FIG4: variants seen among roughly 807,000 people sequenced by gnomAD.
The protein encoded by FIG4 is polyphosphoinositide phosphatase.
In FIG4, 112 loss-of-function variants were observed where a neutral mutation model predicts 118.6. That is an observed-to-expected ratio of 0.94 (90% CI 0.81 to 1.11). The LOEUF is 1.11. Ranked by LOEUF, FIG4 falls within the 50% of genes least tolerant of loss-of-function variation. The probability of loss-of-function intolerance (pLI) is 0.00; values close to 1 mark genes in which losing one functional copy is unlikely to be tolerated. For missense variants in FIG4, 969 were observed against 1,111.7 expected (o/e 0.87, Z 1.83); for synonymous variants, 369 against 381.2 (o/e 0.97, Z 0.37).
chr6:109,764,374 G>A (rs1386429805), intron 13 of FIG4, among the ~76,000 whole-genome samples: 1 of 151,676 alleles, frequency 6.6e-6, no homozygotes, highest in Non-Finnish European at 1.5e-5. Flanking sequence ...GGAGGCGGAG[G>A]TTGCAGTGAG....
chr6:109,721,881 A>G (rs1198330527), intron 3 of FIG4, among the ~76,000 whole-genome samples: 2 of 152,254 alleles, frequency 1.3e-5, no homozygotes, highest in African/African-American at 4.8e-5. Flanking sequence ...AGGGAAGTGT[A>G]GAATGATATA....
At chr6:109,811,946 A>T (rs1469127168) in intron 22 of FIG4, among the ~76,000 whole-genome samples, 3 of 152,164 alleles carry the variant, frequency 2.0e-5, no homozygotes, top group Non-Finnish European at 4.4e-5. Flanking sequence ...TGATATGGTT[A>T]GGCTTTGTGT....
intron 3 of FIG4, among the ~76,000 whole-genome samples, chr6:109,722,049 T>C (rs897166190): frequency 1.2e-4 from 18 of 152,186 alleles, no homozygotes; most frequent in Non-Finnish European, 1.0e-4. Flanking sequence ...CCCAATTACA[T>C]TCCATTTTTA....
chr6:109,815,803 C>CAA lies in FIG4; in HGVS notation c.2547-9277_2547-9276dup, dbSNP rs141936290. On this transcript the variant is annotated intron_variant, in intron 22 of 22. Transcript: ENST00000230124. ...AAATGCAAATTCTAAAGCAAGCAAACAAAAAAAAACAATAAAAACAGGGAG... is the reference window on the plus strand; with the variant it reads ...AAATGCAAATTCTAAAGCAAGCAAACAAAAAAAAAAACAATAAAAACAGGGAG... Among the ~76,000 whole-genome samples the CAA allele has an allele frequency of 2.2e-3, 323 of 147,550 alleles. 9 individuals are homozygous for CAA. The East Asian group carries it at 0.05, about 23-fold the overall frequency.
chr6:109,791,669 C>A, intron 20 of FIG4, 98 bp downstream of exon 20: 1 of 965,124 alleles, frequency 1.0e-6, no homozygotes. Flanking sequence ...AAGAAAATGT[C>A]ACATTATCTC....
At position 109,691,383 on chromosome 6, in the gene FIG4, T is replaced by TG. The variant is rs962506527; in HGVS notation, c.-49dup. 14 of 1,481,476 alleles carry TG rather than the reference T, an allele frequency of 9.5e-6. No individual in the cohort carries two copies. The highest frequency in any genetic ancestry group is 1.4e-5 in the African/African-American group (1 of 71,864). The allele number at this position is 1,481,476 out of a possible 1,614,324, so 91.8% of individuals were successfully genotyped here. On this transcript the variant is annotated 5_prime_UTR_variant, in exon 1 of 23. Transcript: ENST00000230124. ...TGAGGGGTTTTCTCGCCGAGTCTCC[T>TG]GGGGCGGTCCGGAGGCTCGTGCCCT...
At chr6:109,801,200 A>G (rs879847197) in intron 22 of FIG4, among the ~76,000 whole-genome samples, 5 of 152,188 alleles carry the variant, frequency 3.3e-5, no homozygotes, top group Admixed American at 2.0e-4. Flanking sequence ...TATAAATACC[A>G]TGTATTTTAG....
intron 21 of FIG4, 149 bp downstream of exon 21, chr6:109,792,813 C>T (rs1426362208): frequency 1.8e-6 from 1 of 565,992 alleles, no homozygotes; most frequent in South Asian, 2.1e-5. Context: ...GATCTCGGCT[C>T]CTGAGTAGCT....
At chr6:109,758,470 AAC>A (rs1348853009) in intron 10 of FIG4, among the ~76,000 whole-genome samples, 1 of 152,252 alleles carries the variant, frequency 6.6e-6, no homozygotes, top group African/African-American at 2.4e-5. Context: ...AGATGGATTA[AAC>A]ACTTAAATGT....
chr6:109,703,434 C>T (rs939560451), intron 1 of FIG4, among the ~76,000 whole-genome samples: 2 of 152,124 alleles, frequency 1.3e-5, no homozygotes, highest in African/African-American at 4.8e-5. Context: ...AATTGGATTG[C>T]TTCTTGACTT....
In FIG4 at chr6:109,777,050, A is replaced by G. The variant is rs762859144; in HGVS notation, c.1879A>G (p.Thr627Ala). The G allele has an allele frequency of 5.4e-5, 87 of 1,613,752 alleles. No homozygotes were observed. The South Asian group carries it at 6.8e-4, about 13-fold the overall frequency. Reference protein sequence around the residue: ...HHKNTMRLLPTRRSYTYWWTP... With the variant: ...HHKNTMRLLPARRSYTYWWTP... ...CAAAAATACCATGAGACTTTTGCCA[A>G]CAAGAAGAAGGTATTTTTCTTCCTA... The change falls in exon 16 of 23, where the codon ACA becomes GCA. Residue 627 changes from threonine to alanine, a missense_variant. Physicochemically the swap from Thr to Ala is moderately conservative, Grantham distance 58. Transcript: ENST00000230124.
At chr6:109,806,014 A>G (rs1466057909) in intron 22 of FIG4, among the ~76,000 whole-genome samples, 1 of 152,194 alleles carries the variant, frequency 6.6e-6, no homozygotes, top group Non-Finnish European at 1.5e-5. Context: ...GTAATTTTAG[A>G]TGTCTTTTTG....
chr6:109,773,767 A>G (rs1397461282), intron 15 of FIG4, among the ~76,000 whole-genome samples: 2 of 151,970 alleles, frequency 1.3e-5, no homozygotes, highest in Non-Finnish European at 2.9e-5. Context: ...GACTTCCCAG[A>G]CTCAAGTGAT....
At chr6:109,783,403 C>T (rs1026206836) in intron 16 of FIG4, among the ~76,000 whole-genome samples, 5 of 152,336 alleles carry the variant, frequency 3.3e-5, no homozygotes, top group Admixed American at 3.3e-4. Flanking sequence ...TACACCGGGA[C>T]ACTAGCCTCT....
At chr6:109,717,282 G>A (rs1196634678) in intron 3 of FIG4, among the ~76,000 whole-genome samples, 2 of 152,146 alleles carry the variant, frequency 1.3e-5, no homozygotes, top group Admixed American at 1.3e-4. Context: ...GTCCAAACGT[G>A]ATATTGATCT....
chr6:109,738,280 A>C (rs1776219964), intron 6 of FIG4, 45 bp from the exon 7 acceptor site: 1 of 1,518,142 alleles, frequency 6.6e-7, no homozygotes. Flanking sequence ...ATTGATACAA[A>C]ATATTTTGTG....
chr6:109,765,212 C>G, intron 14 of FIG4, 51 bp downstream of exon 14: 1 of 1,500,918 alleles, frequency 6.7e-7, no homozygotes, highest in Admixed American at 1.7e-5. Context: ...GAAGGCAAAC[C>G]TGGTTACTAA....
rs546248846 is a variant in FIG4, at chr6:109,801,944, G to A, written c.2546+5093G>A. On this transcript the variant is annotated intron_variant, in intron 22 of 22. Coordinates refer to ENST00000230124, the MANE Select transcript of FIG4 (RefSeq NM_014845.6). ...ATTTCTGCCTTAATGGATAATTCTT[G>A]TTATCTTTTCCAAACACCTGGAATA... is the stretch of plus-strand genomic sequence containing the variant. Among the ~76,000 whole-genome samples the A allele has an allele frequency of 7.2e-5, 11 of 152,260 alleles. No homozygotes were observed. The East Asian group carries it at 1.9e-3, about 27-fold the overall frequency.
At chr6:109,787,753 C>T (rs1045315222) in intron 18 of FIG4, among the ~76,000 whole-genome samples, 2 of 152,114 alleles carry the variant, frequency 1.3e-5, no homozygotes, top group African/African-American at 4.8e-5. Context: ...ATTGCAAACA[C>T]TGAATTAGTA....
Sources: allele counts gnomAD v4.1 joint callset (sites outside exome capture counted in the v4.1 genomes callset), GRCh38; gene constraint gnomAD v4.1.1; transcripts MANE v1.5; gene names NCBI Gene and HGNC (gene_info 2026-07-23, HGNC 2026-07-21).